The following TMEM272 variants were observed in gnomAD, a reference collection of about 807,000 sequenced individuals.
TMEM272 encodes the protein transmembrane protein 272.
TMEM272 carries 8 observed loss-of-function variants against 3.7 expected under a neutral mutation model. The observed-to-expected ratio is 2.17, with a 90% CI of 1.27 to 3.91. TMEM272 has a LOEUF of 3.91. TMEM272 is among the 30% of genes most tolerant of loss of function. The pLI, the probability that TMEM272 is intolerant of heterozygous loss-of-function variation, is 0.00. For synonymous variants in TMEM272, 63 were observed against 39.8 expected (o/e 1.58, Z -2.20); for missense variants, 166 against 91.5 (o/e 1.81, Z -3.32).
At chr13:51,848,101 A>G (rs1477744377), upstream of TMEM272, among the ~76,000 whole-genome samples, 1 of 152,176 alleles carries the variant, frequency 6.6e-6, no homozygotes, top group Non-Finnish European at 1.5e-5. Flanking sequence ...TGATATGGGG[A>G]ATTAGTTACA....
the TMEM272 span, among the ~76,000 whole-genome samples, chr13:51,911,388 C>T: frequency 6.6e-6 from 1 of 152,188 alleles, no homozygotes; most frequent in Admixed American, 6.5e-5. Flanking sequence ...AGATCCAGGG[C>T]ACTTAAAACA....
chr13:51,865,438 G>A, the TMEM272 span: 1 of 1,613,650 alleles, frequency 6.2e-7, no homozygotes, highest in Middle Eastern at 1.7e-4. Flanking sequence ...TGAGCAGATG[G>A]ATGGGGCTTG....
chr13:51,822,284 C>G (rs1190723842), intron 3 of TMEM272, 147 bp from the exon 4 acceptor site: 1 of 583,664 alleles, frequency 1.7e-6, no homozygotes, highest in African/African-American at 1.9e-5. Flanking sequence ...TCACCAGTCA[C>G]CTGATCCTCA....
chr13:51,859,032 G>A, the TMEM272 span, among the ~76,000 whole-genome samples: 2 of 152,134 alleles, frequency 1.3e-5, no homozygotes, highest in Admixed American at 1.3e-4. Flanking sequence ...GTAAGGGTTA[G>A]GATGGATTCT....
At chr13:51,833,469 T>G (rs4943029) in intron 2 of TMEM272, among the ~76,000 whole-genome samples, 127,833 of 152,114 alleles carry the variant, frequency 0.84, 53,824 homozygotes, top group East Asian at 0.99. Flanking sequence ...AGTGGCTGTT[T>G]CATAACTCAG....
chr13:51,849,028 C>A (rs773621904), upstream of TMEM272, among the ~76,000 whole-genome samples: 1 of 152,152 alleles, frequency 6.6e-6, no homozygotes, highest in Non-Finnish European at 1.5e-5. Context: ...TCCCTCACTT[C>A]GACTTCTACC....
At chr13:51,914,414 C>T in the TMEM272 span, among the ~76,000 whole-genome samples, 922 of 152,316 alleles carry the variant, frequency 6.1e-3, 7 homozygotes, top group African/African-American at 0.021. Context: ...GCAATGGAAA[C>T]GCCAGTGTTC....
the TMEM272 span, among the ~76,000 whole-genome samples, chr13:51,916,560 C>G: frequency 6.6e-6 from 1 of 152,070 alleles, no homozygotes; most frequent in Non-Finnish European, 1.5e-5. Context: ...CACATGGAGC[C>G]AGGTGCTGGC....
chr13:51,861,801 C>G, the TMEM272 span, among the ~76,000 whole-genome samples: 1 of 152,196 alleles, frequency 6.6e-6, no homozygotes, highest in African/African-American at 2.4e-5. Context: ...CAAGACACAT[C>G]ATAGTCAAAC....
chr13:51,853,465 T>A, the TMEM272 span, among the ~76,000 whole-genome samples: 1 of 151,940 alleles, frequency 6.6e-6, no homozygotes, highest in South Asian at 2.1e-4. Flanking sequence ...TAAGTGTAAA[T>A]GGATCATCAT....
chr13:51,843,166 T>C (rs1377176889), intron 1 of TMEM272, among the ~76,000 whole-genome samples: 1 of 152,256 alleles, frequency 6.6e-6, no homozygotes, highest in African/African-American at 2.4e-5. Context: ...CAATTCTTTC[T>C]AGGCTTATTT....
chr13:51,871,230 G>A, the TMEM272 span, among the ~76,000 whole-genome samples: 433 of 141,452 alleles, frequency 3.1e-3, 1 homozygote, highest in African/African-American at 0.011. Flanking sequence ...TCGCTCTGTT[G>A]CCCAGGCTGG....
the TMEM272 span, among the ~76,000 whole-genome samples, chr13:51,928,574 C>A: frequency 1.3e-5 from 2 of 152,182 alleles, no homozygotes; most frequent in African/African-American, 4.8e-5. Context: ...CCACTGCGTA[C>A]CTTGCACTTG....
intron 2 of TMEM272, among the ~76,000 whole-genome samples, chr13:51,837,609 C>T (rs1255709540): frequency 1.3e-5 from 2 of 152,244 alleles, no homozygotes; most frequent in Non-Finnish European, 2.9e-5. Flanking sequence ...CACTCATTTA[C>T]CTGCTTAGTC....
At chr13:51,854,879 T>C in the TMEM272 span, among the ~76,000 whole-genome samples, 2 of 152,214 alleles carry the variant, frequency 1.3e-5, no homozygotes, top group Non-Finnish European at 2.9e-5. Flanking sequence ...AGTTCTATTA[T>C]GTCACTCTTT....
upstream of TMEM272, among the ~76,000 whole-genome samples, chr13:51,849,217 G>A (rs759075707): frequency 3.3e-5 from 5 of 152,178 alleles, no homozygotes; most frequent in Non-Finnish European, 7.3e-5. Context: ...CTGCAAACTT[G>A]AGGCCATTAT....
the TMEM272 span, among the ~76,000 whole-genome samples, chr13:51,855,061 A>G: frequency 0.06 from 9,144 of 152,282 alleles, 362 homozygotes; most frequent in Non-Finnish European, 0.099. Context: ...GGAGGTGAAG[A>G]TTCTTTTCCC....
chr13:51,839,853 C>T (rs375615621), intron 1 of TMEM272, among the ~76,000 whole-genome samples: 162 of 152,324 alleles, frequency 1.1e-3, no homozygotes, highest in African/African-American at 3.8e-3. Flanking sequence ...CACACAAGCA[C>T]GGTGGTTGGG....
At chr13:51,933,180 T>C in the TMEM272 span, 1 of 152,196 alleles carries the variant, frequency 6.6e-6, no homozygotes, top group African/African-American at 2.4e-5. Flanking sequence ...CTTTTCCTCG[T>C]TTATTCTTAT....
Sources: allele counts gnomAD v4.1 joint callset (sites outside exome capture counted in the v4.1 genomes callset), GRCh38; gene constraint gnomAD v4.1.1; transcripts MANE v1.5; gene names NCBI Gene and HGNC (gene_info 2026-07-23, HGNC 2026-07-21).